Variants in SLC13A1 observed in about 807,000 individuals in gnomAD.
The protein encoded by SLC13A1 is solute carrier family 13 member 1, also known as Na(+)/sulfate cotransporter.
In SLC13A1, 65 loss-of-function variants were observed where a neutral mutation model predicts 70.0. The observed-to-expected ratio is 0.93, with a 90% CI of 0.76 to 1.14. The LOEUF (loss-of-function observed/expected upper bound fraction) is 1.14, where lower values mean the gene tolerates loss of function less well. Ranked by LOEUF, SLC13A1 falls within the 50% of genes most tolerant of loss-of-function variation. The pLI is 0.00. For missense variants in SLC13A1, 726 were observed against 717.8 expected, an observed-to-expected ratio of 1.01 and a Z score of -0.13; for synonymous variants, 275 against 250.5, an observed-to-expected ratio of 1.10 and a Z score of -0.92.
Position 123,171,759 on chromosome 7 carries a change from A to C in SLC13A1, c.365+9T>G, listed in dbSNP as rs780807060. On this transcript the variant is annotated intron_variant, in intron 3 of 14. Coordinates refer to ENST00000194130, the MANE Select transcript of SLC13A1 (RefSeq NM_022444.4). ...CAGGTAAACTGGAAGCAGTAAATGC[A>C]GTACTTACCATGCAGGATTTACACC... 3 of 1,613,540 alleles carry C rather than the reference A, an allele frequency of 1.9e-6. No homozygotes were observed. Among genetic ancestry groups the C allele is most frequent in the Non-Finnish European group, 2.5e-6 (3 of 1,179,670 alleles).
At chr7:123,130,679 A>G (rs1793726909) in intron 8 of SLC13A1, among the ~76,000 whole-genome samples, 1 of 152,140 alleles carries the variant, frequency 6.6e-6, no homozygotes, top group African/African-American at 2.4e-5. Flanking sequence ...TGCCTACATA[A>G]CAAACCTGCA....
Position 123,125,477 on chromosome 7 carries a change from T to C in SLC13A1, c.1240+92A>G, listed in dbSNP as rs1191886365. On this transcript the variant is annotated intron_variant, in intron 11 of 14. Coordinates refer to ENST00000194130, the MANE Select transcript of SLC13A1 (RefSeq NM_022444.4). The stretch of plus-strand genomic sequence containing the variant: ...CCAGGGATTGTGCCAGCATAGACTT[T>C]CTTTCTGCTCTAGGTGCCAAGCGAA... 11 of 884,558 alleles carry C rather than the reference T, an allele frequency of 1.2e-5. 1 individual carries two copies. The highest frequency in any genetic ancestry group is 2.0e-5 in the Non-Finnish European group (11 of 553,910). The allele number at this position is 884,558 out of a possible 1,614,324, so 54.8% of individuals were successfully genotyped here.
In SLC13A1 at chr7:123,176,543, A is replaced by G. The variant is rs138242953; in HGVS notation, c.228+4430T>C. On this transcript the variant is annotated intron_variant, in intron 2 of 14. Coordinates refer to ENST00000194130, the MANE Select transcript of SLC13A1 (RefSeq NM_022444.4). ...AGTTATGTAATTTACCAGTTCAGCA[A>G]CCTTTCTACAAATCAATAAATAGTT... 9.0e-4 allele frequency among the ~76,000 whole-genome samples: 137 copies of G among 152,312 alleles called. 1 individual carries two copies. Among genetic ancestry groups the G allele is most frequent in the African/African-American group, 3.2e-3 (131 of 41,570 alleles).
At chr7:123,182,377 A>G (rs1425294669) in intron 1 of SLC13A1, among the ~76,000 whole-genome samples, 1 of 152,134 alleles carries the variant, frequency 6.6e-6, no homozygotes, top group Non-Finnish European at 1.5e-5. Flanking sequence ...CAGAGATAAA[A>G]TGGACCACTT....
chr7:123,159,803 A>G (rs1794825398), intron 6 of SLC13A1, among the ~76,000 whole-genome samples: 1 of 152,186 alleles, frequency 6.6e-6, no homozygotes, highest in African/African-American at 2.4e-5. Context: ...AAATAATTTA[A>G]ATGGATAAAA....
intron 14 of SLC13A1, 105 bp downstream of exon 14, chr7:123,117,366 G>T: frequency 8.6e-7 from 1 of 1,163,824 alleles, no homozygotes; most frequent in Non-Finnish European, 1.2e-6. Context: ...TTCAGGCCCT[G>T]CTTTTCCTGG....
chr7:123,145,826 G>A (rs945911107), intron 7 of SLC13A1, among the ~76,000 whole-genome samples: 10 of 152,166 alleles, frequency 6.6e-5, no homozygotes, highest in African/African-American at 2.4e-4. Flanking sequence ...CTAGAATGGA[G>A]ATTGACATTC....
chr7:123,129,524 T>A, intron 8 of SLC13A1, 43 bp from the exon 9 acceptor site: 1 of 1,403,142 alleles, frequency 7.1e-7, no homozygotes, highest in Non-Finnish European at 1.0e-6. Flanking sequence ...ATTCTTTTAC[T>A]ACCACCTCCC....
chr7:123,191,835 A>C (rs532949586), intron 1 of SLC13A1, among the ~76,000 whole-genome samples: 5 of 152,256 alleles, frequency 3.3e-5, no homozygotes, highest in African/African-American at 1.2e-4. Context: ...ACTCTATCAG[A>C]GTATATATTT....
intron 11 of SLC13A1, among the ~76,000 whole-genome samples, chr7:123,124,205 G>T (rs894038067): frequency 5.9e-5 from 9 of 152,216 alleles, no homozygotes; most frequent in African/African-American, 2.2e-4. Context: ...TAGGAGCAAG[G>T]CTCTTTCTAA....
intron 8 of SLC13A1, 48 bp downstream of exon 8, chr7:123,134,362 G>A: frequency 6.3e-7 from 1 of 1,575,262 alleles, no homozygotes; most frequent in Non-Finnish European, 8.6e-7. Context: ...TAAGAACTGG[G>A]AACCTAGACA....
chr7:123,181,185 G>A (rs1795628191), intron 1 of SLC13A1, 84 bp from the exon 2 acceptor site: 4 of 1,418,084 alleles, frequency 2.8e-6, no homozygotes, highest in Non-Finnish European at 3.9e-6. Flanking sequence ...TTGCTTAATA[G>A]AGCCATGTCA....
chr7:123,181,159 T>G, intron 1 of SLC13A1, 58 bp from the exon 2 acceptor site: 2 of 1,568,070 alleles, frequency 1.3e-6, no homozygotes, highest in East Asian at 2.3e-5. Context: ...AAGTCAACAT[T>G]CAAACACAAA....
chr7:123,139,606 T>G (rs1794063778), intron 7 of SLC13A1, among the ~76,000 whole-genome samples: 1 of 152,028 alleles, frequency 6.6e-6, no homozygotes, highest in Non-Finnish European at 1.5e-5. Flanking sequence ...GTTTTATAGT[T>G]TATATTACAG....
At chr7:123,134,966 TC>T (rs1382491043) in intron 7 of SLC13A1, among the ~76,000 whole-genome samples, 1 of 152,196 alleles carries the variant, frequency 6.6e-6, no homozygotes, top group Non-Finnish European at 1.5e-5. Flanking sequence ...GAATGTCTGT[TC>T]CCATTTCACC....
At chr7:123,143,334 T>A (rs1794226625) in intron 7 of SLC13A1, among the ~76,000 whole-genome samples, 1 of 152,100 alleles carries the variant, frequency 6.6e-6, no homozygotes, top group African/African-American at 2.4e-5. Flanking sequence ...GCCCTAGACT[T>A]CCTTTCAGAG....
In SLC13A1 at chr7:123,169,131, A is replaced by T; in HGVS notation, c.553+17T>A. 6.2e-7 allele frequency: 1 copy of T among 1,612,382 alleles called. No homozygotes were observed. The highest frequency in any genetic ancestry group is 8.5e-7 in the Non-Finnish European group (1 of 1,178,574). On this transcript the variant is annotated intron_variant, in intron 4 of 14. Transcript: ENST00000194130. ...CTAATGACTAGACCCCAGATTGGCC[A>T]TATCAACATGTGATACCATCAATTT...
intron 6 of SLC13A1, among the ~76,000 whole-genome samples, chr7:123,166,708 T>A (rs1194288598): frequency 3.3e-5 from 5 of 152,148 alleles, no homozygotes; most frequent in Admixed American, 1.3e-4. Flanking sequence ...TCCATGTCCC[T>A]ACAAAGGACA....
intron 2 of SLC13A1, among the ~76,000 whole-genome samples, chr7:123,180,467 G>A (rs961120780): frequency 9.2e-5 from 14 of 152,066 alleles, no homozygotes; most frequent in South Asian, 4.1e-4. Context: ...CTCTTAGATT[G>A]TATAGAACAA....
Sources: gnomAD v4.1 joint callset for allele counts (sites outside exome capture counted in the v4.1 genomes callset) on GRCh38, gnomAD v4.1.1 for gene constraint, MANE v1.5 for transcripts, NCBI Gene and HGNC (gene_info 2026-07-23, HGNC 2026-07-21) for gene names.